The following EFCAB6 variants were observed in gnomAD, a reference collection of about 807,000 sequenced individuals.
The protein encoded by EFCAB6 is EF-hand calcium binding domain 6.
EFCAB6 carries 156 observed loss-of-function variants against 169.8 expected under a neutral mutation model. That is an observed-to-expected ratio of 0.92 (90% CI 0.81 to 1.05). The LOEUF (loss-of-function observed/expected upper bound fraction) is 1.05. Ranked by LOEUF, EFCAB6 falls within the 50% of genes least tolerant of loss-of-function variation. The probability of loss-of-function intolerance (pLI) is 0.00; values close to 1 mark genes in which losing one functional copy is unlikely to be tolerated. For missense variants in EFCAB6, 1,800 were observed against 1,829.1 expected, an observed-to-expected ratio of 0.98 and a Z score of 0.29; for synonymous variants, 698 against 676.4, an observed-to-expected ratio of 1.03 and a Z score of -0.50.
chr22:43,738,418 CAT>C (rs1206704737), intron 6 of EFCAB6, among the ~76,000 whole-genome samples: 29 of 151,620 alleles, frequency 1.9e-4, no homozygotes, highest in East Asian at 1.4e-3. Context: ...CTCTCACACA[CAT>C]ACATTCACAT....
chr22:43,600,430 T>G (rs1455403862), intron 22 of EFCAB6, among the ~76,000 whole-genome samples, 167 bp from the exon 23 acceptor site: 5 of 152,122 alleles, frequency 3.3e-5, no homozygotes, highest in Non-Finnish European at 5.9e-5. Context: ...CTGGCAGAGC[T>G]GGAAATGCGT....
chr22:43,640,563 C>T (rs2055730631), intron 17 of EFCAB6, among the ~76,000 whole-genome samples: 2 of 152,184 alleles, frequency 1.3e-5, no homozygotes, highest in Admixed American at 1.3e-4. Flanking sequence ...TTCTCCATCC[C>T]CATCTTTACT....
intron 23 of EFCAB6, among the ~76,000 whole-genome samples, chr22:43,594,410 T>C (rs773817979): frequency 2.8e-4 from 43 of 151,672 alleles, no homozygotes; most frequent in Non-Finnish European, 5.7e-4. Flanking sequence ...ACTTCACCTA[T>C]AAAGACACAT....
intron 10 of EFCAB6, 32 bp from the exon 11 acceptor site, chr22:43,687,613 CT>C: frequency 7.2e-7 from 1 of 1,385,810 alleles, no homozygotes; most frequent in South Asian, 1.3e-5. Context: ...AAAAACATTA[CT>C]TTAAACATTT....
intron 13 of EFCAB6, among the ~76,000 whole-genome samples, chr22:43,674,698 C>T (rs772445075): frequency 9.9e-5 from 15 of 152,276 alleles, no homozygotes; most frequent in African/African-American, 2.6e-4. Context: ...TTAAAGAAAA[C>T]GGATTCTTAA....
At chr22:43,727,665 C>T (rs1427675366) in intron 8 of EFCAB6, among the ~76,000 whole-genome samples, 3 of 152,132 alleles carry the variant, frequency 2.0e-5, no homozygotes, top group Non-Finnish European at 4.4e-5. Context: ...AAGGTCCATA[C>T]ACTGCACATG....
intron 17 of EFCAB6, among the ~76,000 whole-genome samples, chr22:43,636,940 T>G (rs1053236483): frequency 6.6e-6 from 1 of 152,120 alleles, no homozygotes; most frequent in African/African-American, 2.4e-5. Flanking sequence ...TGTGATGAGA[T>G]CTACTTTTGG....
rs768883823 is a variant in EFCAB6, at chr22:43,626,634, T to C, written c.2278A>G (p.Ile760Val). The C allele has an allele frequency of 5.6e-6, 9 of 1,614,218 alleles. No individual in the cohort carries two copies. Among genetic ancestry groups the C allele is most frequent in the South Asian group, 1.1e-5 (1 of 91,086 alleles). Residue 760 changes from isoleucine (I) to valine (V), a missense_variant, in exon 20 of 32, where the codon ATA (isoleucine) becomes GTA (valine). Coordinates refer to ENST00000262726, the MANE Select transcript of EFCAB6 (RefSeq NM_022785.4). ...CTGTGAAGGTCATGCATGTTGATTA[T>C]GCCATCCCTGTCAGCATCTGTTTTA... is the stretch of plus-strand genomic sequence containing the variant. ...FFKTDADRDG[I>V]INMHDLHRLL...
rs565029169 is a variant in EFCAB6 at position 43,736,068 on chromosome 22, GT to G, written c.508-76del. On this transcript the variant is annotated intron_variant, in intron 6 of 31. Coordinates refer to ENST00000262726, the MANE Select transcript of EFCAB6 (RefSeq NM_022785.4). ...ACCAAATGGTAATAAAAATGTGAAA[GT>G]TTTTTTTAATACTTTTTATAAAATA... The G allele has an allele frequency of 2.9e-4, 403 of 1,376,596 alleles. 1 individual carries two copies. The African/African-American group carries it at 5.3e-3, about 18-fold the overall frequency. The allele number at this position is 1,376,596 out of a possible 1,614,324, so 85.3% of individuals were successfully genotyped here. A position where few individuals can be genotyped will look rare whatever the true frequency, so the allele number is the denominator to read the frequency against.
intron 18 of EFCAB6, among the ~76,000 whole-genome samples, chr22:43,633,650 G>A (rs1249077273): frequency 6.6e-6 from 1 of 152,216 alleles, no homozygotes; most frequent in Non-Finnish European, 1.5e-5. Flanking sequence ...TTGTGTCAAA[G>A]CCAGGCTACA....
intron 1 of EFCAB6, among the ~76,000 whole-genome samples, chr22:43,810,964 T>C (rs2063093443): frequency 6.6e-6 from 1 of 152,126 alleles, no homozygotes; most frequent in Non-Finnish European, 1.5e-5. Context: ...AGACATGAAC[T>C]GTAGTGTATG....
intron 21 of EFCAB6, among the ~76,000 whole-genome samples, chr22:43,611,446 G>C (rs1371193190): frequency 6.6e-6 from 1 of 152,126 alleles, no homozygotes; most frequent in Non-Finnish European, 1.5e-5. Flanking sequence ...GAGATTCAAT[G>C]CTATTCCTGT....
chr22:43,738,448 CACAT>C (rs1319799271), intron 6 of EFCAB6, among the ~76,000 whole-genome samples: 5 of 151,734 alleles, frequency 3.3e-5, no homozygotes, highest in African/African-American at 4.8e-5. Context: ...CACATATACT[CACAT>C]ACACCATCAC....
intron 6 of EFCAB6, among the ~76,000 whole-genome samples, chr22:43,749,067 G>A (rs1240771868): frequency 1.3e-5 from 2 of 152,186 alleles, no homozygotes; most frequent in African/African-American, 2.4e-5. Context: ...ATGGCAGTAG[G>A]GATGGATCAG....
intron 8 of EFCAB6, among the ~76,000 whole-genome samples, chr22:43,728,156 T>C (rs551686758): frequency 6.6e-6 from 1 of 152,138 alleles, no homozygotes; most frequent in East Asian, 1.9e-4. Flanking sequence ...AGTGAGAACA[T>C]GCGGTGTTTG....
At chr22:43,650,694 G>A (rs890541195) in intron 17 of EFCAB6, among the ~76,000 whole-genome samples, 8 of 152,192 alleles carry the variant, frequency 5.3e-5, no homozygotes, top group Non-Finnish European at 1.0e-4. Context: ...AATTCCTAGA[G>A]ACTTGTTGAA....
intron 6 of EFCAB6, among the ~76,000 whole-genome samples, chr22:43,742,309 C>T (rs749717932): frequency 2.5e-4 from 38 of 152,320 alleles, no homozygotes; most frequent in Non-Finnish European, 3.8e-4. Context: ...CACACAGCCA[C>T]GCCCACTCAT....
intron 20 of EFCAB6, among the ~76,000 whole-genome samples, chr22:43,624,408 G>T (rs987708709): frequency 6.6e-6 from 1 of 152,066 alleles, no homozygotes; most frequent in Non-Finnish European, 1.5e-5. Flanking sequence ...AGAAGGTGAC[G>T]TCCTTCACAG....
intron 5 of EFCAB6, 93 bp downstream of exon 5, chr22:43,765,212 C>T (rs751901048): frequency 5.7e-6 from 5 of 870,450 alleles, no homozygotes; most frequent in Non-Finnish European, 9.4e-6. Flanking sequence ...CCATATATAG[C>T]TGTTGATATG....
Sources: gnomAD v4.1 joint callset for allele counts (sites outside exome capture counted in the v4.1 genomes callset) on GRCh38, gnomAD v4.1.1 for gene constraint, MANE v1.5 for transcripts, NCBI Gene and HGNC (gene_info 2026-07-23, HGNC 2026-07-21) for gene names.